SNX29: variants seen among roughly 807,000 people sequenced by gnomAD.
SNX29 encodes the protein sorting nexin-29.
Under a neutral mutation model 102.1 loss-of-function variants are expected in SNX29, and 78 were observed. That is an observed-to-expected ratio of 0.76 (90% CI 0.64 to 0.92). SNX29 has a LOEUF of 0.92. Ranked by LOEUF, SNX29 falls within the 40% of genes least tolerant of loss-of-function variation. SNX29 has a pLI of 0.00. For missense variants in SNX29, 1,280 were observed against 1,061.7 expected (o/e 1.21, Z -2.86); for synonymous variants, 580 against 414.5 (o/e 1.40, Z -4.85).
At chr16:12,421,577 G>C (rs2084872859) in intron 18 of SNX29, among the ~76,000 whole-genome samples, 1 of 152,198 alleles carries the variant, frequency 6.6e-6, no homozygotes, top group Non-Finnish European at 1.5e-5. Flanking sequence ...TTTCCTATCA[G>C]AGTGCTGTTA....
intron 18 of SNX29, among the ~76,000 whole-genome samples, chr16:12,463,828 G>A (rs2086924209): frequency 6.6e-6 from 1 of 150,590 alleles, no homozygotes; most frequent in Non-Finnish European, 1.5e-5. Flanking sequence ...GTGTGTGTGT[G>A]TGTGTGTGTG....
intron 14 of SNX29, among the ~76,000 whole-genome samples, chr16:12,226,450 C>T (rs1386072597): frequency 6.6e-6 from 1 of 151,996 alleles, no homozygotes; most frequent in African/African-American, 2.4e-5. Context: ...AATCTATAGA[C>T]TGTATGGTTG....
rs146524178 is a variant in SNX29, at chr16:12,530,541, G to GT, written c.2318+5712dup. ...CTCCACTGTTCTGAAATTTGCCTTC[G>GT]TTTTTTTTTTTTGTTTTTTGTTTTT... is the stretch of plus-strand genomic sequence containing the variant. On this transcript the variant is annotated intron_variant, in intron 20 of 20. Coordinates refer to ENST00000566228, the MANE Select transcript of SNX29 (RefSeq NM_032167.5). Among the ~76,000 whole-genome samples the GT allele has an allele frequency of 6.1e-3, 896 of 146,756 alleles. 5 individuals carry two copies. Among genetic ancestry groups the GT allele is most frequent in the African/African-American group, 0.018 (722 of 40,166 alleles).
intron 20 of SNX29, among the ~76,000 whole-genome samples, chr16:12,566,464 T>C (rs1303846136): frequency 6.6e-6 from 1 of 152,182 alleles, no homozygotes; most frequent in Non-Finnish European, 1.5e-5. Flanking sequence ...GCAGGGCTCA[T>C]CCTGGCTGTG....
rs1027378596 is a variant in SNX29, at chr16:12,573,335, G to T, written c.*4706G>T. The stretch of plus-strand genomic sequence containing the variant: ...ATTTGGGTACTCTGAATTATGTCAT[G>T]GAGTAGACAGTTACTTCTAAATCCC... On this transcript the variant is annotated 3_prime_UTR_variant, in exon 21 of 21. Coordinates refer to ENST00000566228, the MANE Select transcript of SNX29 (RefSeq NM_032167.5). The T allele has an allele frequency of 1.3e-5, 3 of 225,604 alleles. No individual in the cohort carries two copies. Among genetic ancestry groups the T allele is most frequent in the Non-Finnish European group, 2.6e-5 (3 of 113,410 alleles). The allele number at this position is 225,604 out of a possible 1,614,324, so 14.0% of individuals were successfully genotyped here. A position where few individuals can be genotyped will look rare whatever the true frequency, so the allele number is the denominator to read the frequency against.
intron 11 of SNX29, chr16:12,095,397 C>T (rs1418229467): frequency 1.3e-5 from 2 of 152,330 alleles, no homozygotes; most frequent in African/African-American, 4.8e-5. Context: ...CTGCCGCTTT[C>T]CTTCCGCAGC....
chr16:12,553,600 A>G (rs2078131639), intron 20 of SNX29, among the ~76,000 whole-genome samples: 2 of 103,826 alleles, frequency 1.9e-5, no homozygotes, highest in African/African-American at 3.7e-5. Flanking sequence ...CCCACCCCCC[A>G]CCCCTGCAAG....
chr16:12,492,548 G>C (rs1327405875), intron 19 of SNX29, among the ~76,000 whole-genome samples: 1 of 152,054 alleles, frequency 6.6e-6, no homozygotes, highest in Non-Finnish European at 1.5e-5. Context: ...GATCCCATTT[G>C]TCAATTTTGG....
chr16:12,362,456 C>T (rs771866359), intron 16 of SNX29, among the ~76,000 whole-genome samples: 4 of 151,610 alleles, frequency 2.6e-5, no homozygotes, highest in Non-Finnish European at 5.9e-5. Context: ...TCAGAGGTCA[C>T]GATGTAGTTC....
chr16:12,548,897 C>G (rs901636772), intron 20 of SNX29, among the ~76,000 whole-genome samples: 3 of 152,254 alleles, frequency 2.0e-5, no homozygotes, highest in Admixed American at 1.3e-4. Context: ...CATAGCAGCA[C>G]TCACTCGGGC....
At chr16:12,504,545 T>C (rs1272129725) in intron 19 of SNX29, among the ~76,000 whole-genome samples, 1 of 152,358 alleles carries the variant, frequency 6.6e-6, no homozygotes, top group East Asian at 1.9e-4. Context: ...CCATGGTGCG[T>C]CTGTGTCATA....
intron 4 of SNX29, among the ~76,000 whole-genome samples, chr16:12,031,182 C>T (rs764834036): frequency 6.1e-4 from 92 of 151,898 alleles, no homozygotes; most frequent in Non-Finnish European, 2.2e-4. Flanking sequence ...AGGTGATTCT[C>T]GTGTCTTGGC....
chr16:12,126,488 A>G, intron 11 of SNX29, 145 bp from the exon 12 acceptor site: 4 of 770,556 alleles, frequency 5.2e-6, no homozygotes, highest in Non-Finnish European at 8.3e-6. Flanking sequence ...CGAGTCTCTT[A>G]GACTGTTATA....
Position 12,569,240 on chromosome 16 carries a change from A to C in SNX29, c.*611A>C. On this transcript the variant is annotated 3_prime_UTR_variant, in exon 21 of 21. Coordinates refer to ENST00000566228, the MANE Select transcript of SNX29 (RefSeq NM_032167.5). ...GAGGGATATTCCTGTGGCTTTGGCA[A>C]GGAGCCATTAGTGATGTGCAACTTG... The C allele has an allele frequency of 4.4e-6, 1 of 225,612 alleles. No individual in the cohort carries two copies. The highest frequency in any genetic ancestry group is 8.8e-6 in the Non-Finnish European group (1 of 113,598). The allele number at this position is 225,612 out of a possible 1,614,324, so 14.0% of individuals were successfully genotyped here.
chr16:12,284,817 C>G (rs1018242567), intron 15 of SNX29, among the ~76,000 whole-genome samples: 1 of 151,926 alleles, frequency 6.6e-6, no homozygotes, highest in Non-Finnish European at 1.5e-5. Context: ...CTCTGCCTCC[C>G]AGGTTCAAGC....
At chr16:12,239,912 C>T (rs2078050577) in intron 14 of SNX29, among the ~76,000 whole-genome samples, 1 of 152,144 alleles carries the variant, frequency 6.6e-6, no homozygotes, top group Admixed American at 6.5e-5. Context: ...CTTGTAATCT[C>T]ATCACCCAAA....
At chr16:12,288,022 C>A (rs1191075948) in intron 15 of SNX29, among the ~76,000 whole-genome samples, 1 of 151,894 alleles carries the variant, frequency 6.6e-6, no homozygotes, top group East Asian at 1.9e-4. Flanking sequence ...CCTGTAATTA[C>A]AAAAAAAAAT....
intron 15 of SNX29, among the ~76,000 whole-genome samples, chr16:12,335,278 A>G (rs1186288380): frequency 6.6e-6 from 1 of 152,132 alleles, no homozygotes; most frequent in East Asian, 1.9e-4. Flanking sequence ...CTTGGAAAAG[A>G]TTCTTTAATT....
intron 19 of SNX29, among the ~76,000 whole-genome samples, chr16:12,523,979 C>G (rs974223094): frequency 3.5e-4 from 53 of 152,060 alleles, no homozygotes; most frequent in Non-Finnish European, 7.2e-4. Flanking sequence ...CTCTGCCTCC[C>G]GGGTTCAAGT....
Sources: allele counts gnomAD v4.1 joint callset (sites outside exome capture counted in the v4.1 genomes callset), GRCh38; gene constraint gnomAD v4.1.1; transcripts MANE v1.5; gene names NCBI Gene and HGNC (gene_info 2026-07-23, HGNC 2026-07-21).